The following ATP13A4 variants were observed in gnomAD, a reference collection of about 807,000 sequenced individuals.
ATP13A4 encodes the protein ATPase 13A4.
A neutral mutation model predicts 142.5 loss-of-function variants in ATP13A4; 114 were observed. The ratio of observed to expected loss-of-function variants is 0.80; its 90% CI spans 0.69 to 0.93. The LOEUF (loss-of-function observed/expected upper bound fraction) is 0.93, where lower values mean the gene tolerates loss of function less well. Ranked by LOEUF, ATP13A4 falls within the 40% of genes least tolerant of loss-of-function variation. The pLI, the probability that ATP13A4 is intolerant of heterozygous loss-of-function variation, is 0.00. For synonymous variants in ATP13A4, 488 were observed against 514.8 expected, an observed-to-expected ratio of 0.95 and a Z score of 0.70; for missense variants, 1,392 against 1,454.0, an observed-to-expected ratio of 0.96 and a Z score of 0.69.
At chr3:193,445,385 G>A (rs939504314) in intron 18 of ATP13A4, among the ~76,000 whole-genome samples, 19 of 152,090 alleles carry the variant, frequency 1.2e-4, no homozygotes, top group South Asian at 6.2e-4. Flanking sequence ...GCAGCGAGCC[G>A]AGATCGCACC....
chr3:193,523,268 T>G (rs535658491), intron 1 of ATP13A4, among the ~76,000 whole-genome samples: 1 of 151,670 alleles, frequency 6.6e-6, no homozygotes, highest in South Asian at 2.1e-4. Flanking sequence ...TGTGCCATTG[T>G]ACTCCAGGCT....
At chr3:193,418,766 GTGGCC>G (rs1321139072) in intron 25 of ATP13A4, among the ~76,000 whole-genome samples, 1 of 149,816 alleles carries the variant, frequency 6.7e-6, no homozygotes, top group East Asian at 2.1e-4. Flanking sequence ...CCTTCCCCCT[GTGGCC>G]TACAAGGCTA....
intron 25 of ATP13A4, among the ~76,000 whole-genome samples, chr3:193,418,400 A>G (rs1370671183): frequency 6.7e-6 from 1 of 149,612 alleles, no homozygotes; most frequent in Non-Finnish European, 1.5e-5. Flanking sequence ...TCTCCCACAA[A>G]GACAACCAAA....
At chr3:193,561,880 A>G (rs1437865337) in intron 2 of ATP13A4, among the ~76,000 whole-genome samples, 3 of 152,116 alleles carry the variant, frequency 2.0e-5, no homozygotes, top group African/African-American at 7.2e-5. Context: ...CCTCTTTTTT[A>G]CACACCCCTA....
At chr3:193,548,358 A>C (rs746874221) in intron 1 of ATP13A4, among the ~76,000 whole-genome samples, 4 of 152,196 alleles carry the variant, frequency 2.6e-5, no homozygotes, top group Admixed American at 6.5e-5. Context: ...GGAAGGGATA[A>C]GCCAAGAAAA....
chr3:193,461,536 T>A (rs1410928787), intron 13 of ATP13A4, among the ~76,000 whole-genome samples: 1 of 152,242 alleles, frequency 6.6e-6, no homozygotes, highest in East Asian at 1.9e-4. Context: ...CTAAAGTGGT[T>A]AGAAGCACGA....
At position 193,441,492 on chromosome 3, in the gene ATP13A4, G is replaced by A. The variant is rs1209318449; in HGVS notation, c.2413C>T (p.Gln805Ter). The change falls in exon 20 of 30, where the codon CAA becomes TAA. Residue 805 changes from glutamine (Q) to a stop codon, truncating the protein, a stop_gained. Coordinates refer to ENST00000342695, the MANE Select transcript of ATP13A4 (RefSeq NM_032279.4). LOFTEE classifies it high-confidence loss of function. Reference sequence around the variant, plus strand: ...TTTGGCAGTAGGCTGCTGAAATGTTGACTTATAACATGAAAGGATTTTCCA... The same window carrying A: ...TTTGGCAGTAGGCTGCTGAAATGTTAACTTATAACATGAAAGGATTTTCCA... ...LTGKSFHVISQHFSSLLPKIL... is the reference protein window; with the variant it reads ...LTGKSFHVIS 1.2e-6 allele frequency: 2 copies of A among 1,613,674 alleles called. No homozygotes were observed. Among genetic ancestry groups the A allele is most frequent in the South Asian group, 1.1e-5 (1 of 91,054 alleles).
rs568830293 is a variant in ATP13A4, at chr3:193,489,799, C to G, written c.669G>C (p.Lys223Asn). ...TGATTATGATGGCAAAAGCATATTC[C>G]TTATAGTCTTCACTAAACCACAAAC... ...SVCLWFSEDY[K>N]EYAFAIIIMS... The change falls in exon 7 of 30, where the codon AAG becomes AAC. Residue 223 changes from lysine to asparagine, a missense_variant. Transcript: ENST00000342695. 6.2e-7 allele frequency: 1 copy of G among 1,610,362 alleles called. No individual in the cohort carries two copies. The highest frequency in any genetic ancestry group is 1.3e-5 in the African/African-American group (1 of 74,894).
intron 25 of ATP13A4, among the ~76,000 whole-genome samples, chr3:193,426,996 G>A (rs1426352627): frequency 6.6e-6 from 1 of 151,578 alleles, no homozygotes; most frequent in Non-Finnish European, 1.5e-5. Context: ...AAATAAATAG[G>A]ACTCCATTAA....
upstream of ATP13A4, chr3:193,554,961 C>G (rs1723826594): frequency 6.4e-7 from 1 of 1,556,600 alleles, no homozygotes; most frequent in Non-Finnish European, 8.7e-7. Context: ...CAACAAATGA[C>G]AATACTTGGC....
At chr3:193,422,072 C>G (rs1014144937) in intron 25 of ATP13A4, among the ~76,000 whole-genome samples, 6 of 149,586 alleles carry the variant, frequency 4.0e-5, no homozygotes, top group Non-Finnish European at 7.4e-5. Context: ...CTTAGAGACA[C>G]AAATAAGCTG....
intron 1 of ATP13A4, chr3:193,553,091 C>T (rs1168383560): frequency 6.6e-6 from 1 of 152,208 alleles, no homozygotes; most frequent in Non-Finnish European, 1.5e-5. Flanking sequence ...CTAATTGCTG[C>T]ACCTCTGCTG....
intron 17 of ATP13A4, among the ~76,000 whole-genome samples, chr3:193,450,113 CA>C (rs113643807): frequency 0.15 from 13,908 of 94,906 alleles, 1,107 homozygotes; most frequent in African/African-American, 0.27. Context: ...ACCTGTCTCA[CA>C]AAAAAAAAAA....
rs1210423645 is a variant in ATP13A4 at position 193,402,026 on chromosome 3, C to G, written c.*626G>C. 1 of 153,030 alleles carries G rather than the reference C, an allele frequency of 6.5e-6. No homozygotes were observed. Among genetic ancestry groups the G allele is most frequent in the Non-Finnish European group, 1.5e-5 (1 of 68,708 alleles). 9.5% of individuals were successfully genotyped at this position (153,030 alleles called of 1,614,324 possible). A position where few individuals can be genotyped will look rare whatever the true frequency, so the allele number is the denominator to read the frequency against. On this transcript the variant is annotated 3_prime_UTR_variant, in exon 30 of 30. Transcript: ENST00000342695. The stretch of plus-strand genomic sequence containing the variant: ...AGTCACTGCTGTAAGAATGGCAGTT[C>G]CAGAGTGTCACCTGGATCACGAAAG...
intron 29 of ATP13A4, 91 bp from the exon 30 acceptor site, chr3:193,402,955 TG>T: frequency 8.7e-7 from 1 of 1,148,876 alleles, no homozygotes; most frequent in Non-Finnish European, 1.3e-6. Context: ...ACTACTGCAA[TG>T]GTTGCTTAGA....
chr3:193,542,051 T>A (rs1320950433), intron 1 of ATP13A4, among the ~76,000 whole-genome samples: 3 of 152,154 alleles, frequency 2.0e-5, no homozygotes, highest in Non-Finnish European at 4.4e-5. Flanking sequence ...TGCTTGCAGA[T>A]GGCATGATCC....
chr3:193,438,693 A>G, intron 22 of ATP13A4, 109 bp from the exon 23 acceptor site: 1 of 912,070 alleles, frequency 1.1e-6, no homozygotes, highest in South Asian at 1.4e-5. Flanking sequence ...TGTGTGCCCA[A>G]ACTCTAACCA....
intron 8 of ATP13A4, among the ~76,000 whole-genome samples, chr3:193,481,279 A>C (rs1719277135): frequency 6.6e-6 from 1 of 152,206 alleles, no homozygotes; most frequent in South Asian, 2.1e-4. Flanking sequence ...AAAAAAACTT[A>C]TATTCCCCTT....
At position 193,410,466 on chromosome 3, in the gene ATP13A4, G is replaced by A. The variant is rs138877515; in HGVS notation, c.3297+516C>T. Among the ~76,000 whole-genome samples, 979 of 152,256 alleles carry A rather than the reference G, an allele frequency of 6.4e-3. 10 individuals carry two copies. The highest frequency in any genetic ancestry group is 0.021 in the African/African-American group (886 of 41,548). On this transcript the variant is annotated intron_variant, in intron 28 of 29. Transcript: ENST00000342695. Reference sequence around the variant, plus strand: ...AGTGGCTTAAGCCTGTAAGCCTAGCGCGTTGGGAGGCCAAGGCAGGAGGCT... The same window carrying A: ...AGTGGCTTAAGCCTGTAAGCCTAGCACGTTGGGAGGCCAAGGCAGGAGGCT...
Sources: allele counts gnomAD v4.1 joint callset (sites outside exome capture counted in the v4.1 genomes callset), GRCh38; gene constraint gnomAD v4.1.1; transcripts MANE v1.5; gene names NCBI Gene and HGNC (gene_info 2026-07-23, HGNC 2026-07-21).